ADGRB3: variants seen among roughly 807,000 people sequenced by gnomAD.
ADGRB3 encodes the protein brain-specific angiogenesis inhibitor 3.
In ADGRB3, 37 loss-of-function variants were observed where a neutral mutation model predicts 193.4. The ratio of observed to expected loss-of-function variants is 0.19; its 90% CI spans 0.15 to 0.25. The LOEUF is 0.25. ADGRB3 is among the 10% of genes least tolerant of loss of function. The probability of loss-of-function intolerance (pLI) is 1.00; values close to 1 mark genes in which losing one functional copy is unlikely to be tolerated. For synonymous variants in ADGRB3, 690 were observed against 644.2 expected (o/e 1.07, Z -1.08); for missense variants, 1,637 against 1,852.9 (o/e 0.88, Z 2.14).
chr6:68,918,290 T>C (rs920990289), intron 3 of ADGRB3, among the ~76,000 whole-genome samples: 1 of 152,080 alleles, frequency 6.6e-6, no homozygotes, highest in Non-Finnish European at 1.5e-5. Context: ...AGAGATGCCG[T>C]CCCTAACCCC....
intron 13 of ADGRB3, among the ~76,000 whole-genome samples, chr6:69,043,948 G>C (rs1468218907): frequency 3.9e-5 from 6 of 152,170 alleles, no homozygotes; most frequent in Admixed American, 6.5e-5. Context: ...GACTGGGGGA[G>C]GAGAATGGCG....
chr6:69,030,837 CT>C (rs1242650712), intron 13 of ADGRB3, among the ~76,000 whole-genome samples: 1 of 148,866 alleles, frequency 6.7e-6, no homozygotes, highest in African/African-American at 2.4e-5. Flanking sequence ...TTTCTTTTTC[CT>C]CTTCTCTTCT....
chr6:68,724,151 A>C (rs559688560), intron 3 of ADGRB3, among the ~76,000 whole-genome samples: 1 of 151,742 alleles, frequency 6.6e-6, no homozygotes, highest in Non-Finnish European at 1.5e-5. Context: ...TTGATTTTTA[A>C]ATTTTATATG....
chr6:68,742,065 G>A (rs1360168353), intron 3 of ADGRB3, among the ~76,000 whole-genome samples: 1 of 152,078 alleles, frequency 6.6e-6, no homozygotes, highest in East Asian at 1.9e-4. Flanking sequence ...AAAACTACAT[G>A]GAAACACTTT....
chr6:69,317,542 C>A (rs1768341773), intron 20 of ADGRB3, among the ~76,000 whole-genome samples: 1 of 151,382 alleles, frequency 6.6e-6, no homozygotes, highest in Non-Finnish European at 1.5e-5. Context: ...TTTTCAGCCC[C>A]ATATAAAACT....
intron 3 of ADGRB3, among the ~76,000 whole-genome samples, chr6:68,822,210 T>C (rs1341909897): frequency 2.0e-5 from 3 of 151,940 alleles, no homozygotes; most frequent in Non-Finnish European, 2.9e-5. Context: ...AATATGTTCC[T>C]ACAAATATAA....
chr6:69,306,972 A>C (rs1768079400), intron 20 of ADGRB3, among the ~76,000 whole-genome samples: 1 of 151,190 alleles, frequency 6.6e-6, no homozygotes, highest in Admixed American at 6.6e-5. Flanking sequence ...TTGCATTGCA[A>C]TTCCTGCAAT....
intron 27 of ADGRB3, 50 bp downstream of exon 27, chr6:69,354,378 G>C: frequency 1.4e-6 from 2 of 1,470,638 alleles, no homozygotes; most frequent in Admixed American, 3.4e-5. Flanking sequence ...ATTTCTCAAG[G>C]GAATAAAAGA....
chr6:68,954,671 A>T (rs1166981013), intron 6 of ADGRB3, among the ~76,000 whole-genome samples: 2 of 148,924 alleles, frequency 1.3e-5, no homozygotes, highest in Middle Eastern at 3.5e-3. Context: ...TATTATTTAA[A>T]TCGTTCAATG....
At chr6:69,345,297 T>C (rs541594983) in intron 26 of ADGRB3, among the ~76,000 whole-genome samples, 1 of 152,040 alleles carries the variant, frequency 6.6e-6, no homozygotes, top group Non-Finnish European at 1.5e-5. Flanking sequence ...TTGAGCTTGC[T>C]CAGAAGAAAA....
chr6:69,115,505 T>C (rs1773505026), intron 17 of ADGRB3, among the ~76,000 whole-genome samples: 1 of 152,176 alleles, frequency 6.6e-6, no homozygotes, highest in Admixed American at 6.5e-5. Flanking sequence ...AGATGACAGG[T>C]TGATGGGTGC....
chr6:68,938,868 G>C (rs13215030), intron 5 of ADGRB3, among the ~76,000 whole-genome samples: 51,002 of 151,968 alleles, frequency 0.34, 9,567 homozygotes, highest in Middle Eastern at 0.53. Flanking sequence ...TGCTGTACTT[G>C]AAATATAAAT....
intron 3 of ADGRB3, among the ~76,000 whole-genome samples, chr6:68,808,426 CT>C (rs574558007): frequency 0.015 from 2,154 of 139,548 alleles, 31 homozygotes; most frequent in African/African-American, 0.038. Flanking sequence ...TTTTCAAGAC[CT>C]TTTTTTTTTT....
At chr6:69,352,731 G>A (rs970986460) in intron 26 of ADGRB3, among the ~76,000 whole-genome samples, 5 of 152,160 alleles carry the variant, frequency 3.3e-5, no homozygotes, top group Non-Finnish European at 5.9e-5. Flanking sequence ...ATGAGTGAGA[G>A]GACAAGGAGG....
chr6:69,169,839 T>C (rs1298903427), intron 17 of ADGRB3, among the ~76,000 whole-genome samples: 2 of 152,178 alleles, frequency 1.3e-5, no homozygotes, highest in South Asian at 2.1e-4. Context: ...GAGGATAGTT[T>C]ATAGCTTGAC....
chr6:69,140,006 A>G (rs901453678), intron 17 of ADGRB3, among the ~76,000 whole-genome samples: 2 of 152,208 alleles, frequency 1.3e-5, no homozygotes, highest in African/African-American at 4.8e-5. Flanking sequence ...TAGAGTCTGT[A>G]TTCTTGTCTG....
intron 3 of ADGRB3, among the ~76,000 whole-genome samples, chr6:68,657,244 G>A (rs1002316591): frequency 2.6e-5 from 4 of 151,246 alleles, no homozygotes; most frequent in South Asian, 2.1e-4. Flanking sequence ...TTCCCCAAGT[G>A]CTAAAAACAA....
chr6:68,874,643 A>T (rs1015369942), intron 3 of ADGRB3, among the ~76,000 whole-genome samples: 2 of 152,156 alleles, frequency 1.3e-5, no homozygotes, highest in Non-Finnish European at 2.9e-5. Flanking sequence ...TAAGAAAACT[A>T]AGACCAATGT....
rs527604208 is a variant in ADGRB3, at chr6:68,854,393, G to A, written c.758-76166G>A. ...ATGCTAAGAAGGTGGATGTATTCTC[G>A]CCACAAAAATGATAACTATGTGAGA... On this transcript the variant is annotated intron_variant, in intron 3 of 31. Coordinates refer to ENST00000370598, the MANE Select transcript of ADGRB3 (RefSeq NM_001704.3). Among the ~76,000 whole-genome samples the A allele has an allele frequency of 3.9e-5, 6 of 151,996 alleles. No individual in the cohort carries two copies. In the South Asian group the frequency reaches 6.3e-4, roughly 16 times the overall value.
Sources: allele counts gnomAD v4.1 joint callset (sites outside exome capture counted in the v4.1 genomes callset), GRCh38; gene constraint gnomAD v4.1.1; transcripts MANE v1.5; gene names NCBI Gene and HGNC (gene_info 2026-07-23, HGNC 2026-07-21).